Variants in MLXIP observed in about 807,000 individuals in gnomAD.
MLXIP encodes MLX interacting protein.
A neutral mutation model predicts 87.2 loss-of-function variants in MLXIP; 30 were observed. That is an observed-to-expected ratio of 0.34 (90% CI 0.26 to 0.47). The LOEUF (loss-of-function observed/expected upper bound fraction) is 0.47. Ranked by LOEUF, MLXIP falls within the 20% of genes least tolerant of loss-of-function variation. The probability of loss-of-function intolerance (pLI) is 1.00; values close to 1 mark genes in which losing one functional copy is unlikely to be tolerated. For synonymous variants in MLXIP, 530 were observed against 514.0 expected (o/e 1.03, Z -0.42); for missense variants, 1,002 against 1,240.1 (o/e 0.81, Z 2.88).
chr12:122,137,498 T>C lies in MLXIP; in HGVS notation c.2062T>C (p.Ser688Pro), dbSNP rs1357022029. The C allele has an allele frequency of 3.7e-6, 6 of 1,613,830 alleles. No individual in the cohort carries two copies. In the Admixed American group the frequency reaches 8.3e-5, roughly 22 times the overall value. Residue 688 changes from serine (S) to proline (P), a missense_variant, in exon 12 of 17, where the codon TCT becomes CCT. Transcript: ENST00000319080. The surrounding 1 kb of genome is among the most constrained non-coding windows in gnomAD (Gnocchi z 4.1). ...GGACTGCCCAAACTCAGGGCAGGCC[T>C]CTCCGTGTGCATCGGAGCAGAGCCC... ...SRDCPNSGQA[S>P]PCASEQSPSP...
intron 3 of MLXIP, 123 bp from the exon 4 acceptor site, chr12:122,129,014 A>G (rs1952927621): frequency 1.2e-5 from 9 of 729,728 alleles, no homozygotes; most frequent in Middle Eastern, 5.0e-4. Context: ...TGTGGTAGCC[A>G]CTGTGGGGTT....
intron 1 of MLXIP, among the ~76,000 whole-genome samples, chr12:122,106,457 ACTGT>A (rs1346499728): frequency 6.6e-6 from 1 of 152,106 alleles, no homozygotes; most frequent in Non-Finnish European, 1.5e-5. Context: ...CTGTGTTGTC[ACTGT>A]CTGTGCAGAG....
At chr12:122,121,009 G>GTT (rs776332981) in intron 1 of MLXIP, among the ~76,000 whole-genome samples, 3 of 102,196 alleles carry the variant, frequency 2.9e-5, no homozygotes, top group African/African-American at 4.0e-5. Flanking sequence ...CTGCATGCTT[G>GTT]GTTTTTTTTT....
chr12:122,112,360 C>T (rs1277880067), intron 1 of MLXIP, among the ~76,000 whole-genome samples: 3 of 152,136 alleles, frequency 2.0e-5, no homozygotes, highest in South Asian at 2.1e-4. Flanking sequence ...ATGTACAGGC[C>T]GGGCGTGGTG....
chr12:122,138,159 G>T, intron 12 of MLXIP, 35 bp from the exon 13 acceptor site: 2 of 1,547,386 alleles, frequency 1.3e-6, no homozygotes, highest in Non-Finnish European at 1.8e-6. Flanking sequence ...TGCCTGCAAT[G>T]TGCCTGTCTT....
rs531710102 is a variant in MLXIP at position 122,133,981 on chromosome 12, G to A, written c.1726G>A (p.Ala576Thr). ...VSLVLKNARI[A>T]PAAFSGQPQA... ...CTTGGTGTTGAAGAATGCCCGTATC[G>A]CCCCAGGTGAGCCAGGCGGGGAGAC... Residue 576 changes from alanine to threonine, a missense_variant, in exon 9 of 17, where the codon GCC becomes ACC. Physicochemically the swap from Ala to Thr is moderately conservative, Grantham distance 58. Coordinates refer to ENST00000319080, the MANE Select transcript of MLXIP (RefSeq NM_014938.6). The surrounding 1 kb of genome is among the most constrained non-coding windows in gnomAD (Gnocchi z 4.9). 2.6e-5 allele frequency: 42 copies of A among 1,596,270 alleles called. No homozygotes were observed. Among genetic ancestry groups the A allele is most frequent in the South Asian group, 2.6e-4 (23 of 88,730 alleles).
At position 122,127,378 on chromosome 12, in the gene MLXIP, C is replaced by G; in HGVS notation, c.520+16C>G. ...TACATGCAGTGTAAGTGCCGCCCAG[C>G]CTGGGCGCCGGTGGTGGTCAGAACT... On this transcript the variant is annotated intron_variant, in intron 2 of 16. Coordinates refer to ENST00000319080, the MANE Select transcript of MLXIP (RefSeq NM_014938.6). 6.4e-7 allele frequency: 1 copy of G among 1,574,676 alleles called. No individual in the cohort carries two copies. Among genetic ancestry groups the G allele is most frequent in the Non-Finnish European group, 8.7e-7 (1 of 1,154,302 alleles).
chr12:122,118,579 G>A (rs1407413417), intron 1 of MLXIP, among the ~76,000 whole-genome samples: 1 of 152,190 alleles, frequency 6.6e-6, no homozygotes, highest in Non-Finnish European at 1.5e-5. Flanking sequence ...CGGGCGCAGT[G>A]GCTCACGCCT....
At position 122,133,236 on chromosome 12, in the gene MLXIP, T is replaced by G; in HGVS notation, c.1093-112T>G. On this transcript the variant is annotated intron_variant, in intron 8 of 16. Transcript: ENST00000319080. The surrounding 1 kb of genome is among the most constrained non-coding windows in gnomAD (Gnocchi z 4.9). The stretch of plus-strand genomic sequence containing the variant: ...GCCATGGACGTGGAGACGTGGCCTT[T>G]GTCCCTCTGTCCCAGCGCCCGGCCT... The G allele has an allele frequency of 1.6e-6, 2 of 1,268,810 alleles. No homozygotes were observed. The highest frequency in any genetic ancestry group is 3.1e-5 in the South Asian group (2 of 65,560). The allele number at this position is 1,268,810 out of a possible 1,614,324, so 78.6% of individuals were successfully genotyped here.
intron 1 of MLXIP, among the ~76,000 whole-genome samples, chr12:122,115,453 G>A (rs955104355): frequency 6.6e-6 from 1 of 151,788 alleles, no homozygotes; most frequent in Non-Finnish European, 1.5e-5. Flanking sequence ...GCTGGGCATG[G>A]TAGCGGGCAC....
chr12:122,124,917 A>G (rs1404690872), intron 1 of MLXIP, among the ~76,000 whole-genome samples: 1 of 152,202 alleles, frequency 6.6e-6, no homozygotes, highest in African/African-American at 2.4e-5. Flanking sequence ...CTGTAATCCC[A>G]GCACTTTGGG....
intron 1 of MLXIP, among the ~76,000 whole-genome samples, chr12:122,095,356 G>A (rs1030321754): frequency 8.6e-5 from 13 of 151,944 alleles, no homozygotes; most frequent in East Asian, 3.8e-4. Flanking sequence ...TTGTGCGGCC[G>A]CCTTGCACAG....
intron 12 of MLXIP, 69 bp from the exon 13 acceptor site, chr12:122,138,125 G>T: frequency 7.3e-7 from 1 of 1,378,382 alleles, no homozygotes; most frequent in South Asian, 1.4e-5. Flanking sequence ...GATCAGCGTA[G>T]GGGGTGAGGA....
At position 122,135,167 on chromosome 12, in the gene MLXIP, G is replaced by A. The variant is rs756400558; in HGVS notation, c.1733-57G>A. The stretch of plus-strand genomic sequence containing the variant: ...ACTGGCAGAGAGGCAGCCTCTGCAG[G>A]GTGGGCCAGGCCCTGTGGCCCAGGG... On this transcript the variant is annotated intron_variant, in intron 9 of 16. Transcript: ENST00000319080. The surrounding 1 kb of genome is among the most constrained non-coding windows in gnomAD (Gnocchi z 5.3). 6 of 1,596,898 alleles carry A rather than the reference G, an allele frequency of 3.8e-6. No individual in the cohort carries two copies. The highest frequency in any genetic ancestry group is 1.1e-5 in the South Asian group (1 of 88,584).
At chr12:122,107,040 A>G (rs1779375712) in intron 1 of MLXIP, among the ~76,000 whole-genome samples, 1 of 152,142 alleles carries the variant, frequency 6.6e-6, no homozygotes, top group Non-Finnish European at 1.5e-5. Flanking sequence ...CAGGGGTTCA[A>G]CGTCACCAGC....
At chr12:122,119,588 T>A (rs1952747516) in intron 1 of MLXIP, among the ~76,000 whole-genome samples, 1 of 152,206 alleles carries the variant, frequency 6.6e-6, no homozygotes, top group African/African-American at 2.4e-5. Flanking sequence ...AGATGGGGTT[T>A]CACCGTGTTA....
chr12:122,135,760 C>T lies in MLXIP; in HGVS notation c.2032+94C>T, dbSNP rs760757719. ...GGGGGTGCTTGCTGGGTCCCCAGGA[C>T]GGAGCCTGGGCTTAGGACACACAGT... is the stretch of plus-strand genomic sequence containing the variant. On this transcript the variant is annotated intron_variant, in intron 11 of 16. Coordinates refer to ENST00000319080, the MANE Select transcript of MLXIP (RefSeq NM_014938.6). This position sits in a 1 kb window ranked among gnomAD's most constrained non-coding sequence, Gnocchi z 5.3. 55 of 1,376,044 alleles carry T rather than the reference C, an allele frequency of 4.0e-5. No homozygotes were observed. The highest frequency in any genetic ancestry group is 4.5e-5 in the South Asian group (3 of 66,030). 85.2% of individuals were successfully genotyped at this position (1,376,044 alleles called of 1,614,324 possible). A position where few individuals can be genotyped will look rare whatever the true frequency, so the allele number is the denominator to read the frequency against.
rs372068910 is a variant in MLXIP, at chr12:122,128,004, A to G, written c.606+36A>G. The G allele has an allele frequency of 1.5e-5, 23 of 1,568,804 alleles. No individual in the cohort carries two copies. The South Asian group carries it at 2.2e-4, about 15-fold the overall frequency. On this transcript the variant is annotated intron_variant, in intron 3 of 16. Transcript: ENST00000319080. ...GTGACCAAGGGTGGCTGAGAGTGGAAACATACCAGCACCTCACCGGGAGTG... is the reference window on the plus strand; with the variant it reads ...GTGACCAAGGGTGGCTGAGAGTGGAGACATACCAGCACCTCACCGGGAGTG...
chr12:122,087,721 G>A (rs1952188739), intron 1 of MLXIP, among the ~76,000 whole-genome samples: 1 of 152,186 alleles, frequency 6.6e-6, no homozygotes, highest in South Asian at 2.1e-4. Context: ...TCTCCACAGG[G>A]CGGCTGGGGC....
Sources: allele counts gnomAD v4.1 joint callset (sites outside exome capture counted in the v4.1 genomes callset), GRCh38; gene constraint gnomAD v4.1.1; non-coding constraint Gnocchi (gnomAD v3.1); transcripts MANE v1.5; gene names NCBI Gene and HGNC (gene_info 2026-07-23, HGNC 2026-07-21).